Variants in ZNF423 observed in about 807,000 individuals in gnomAD.
ZNF423 encodes the protein zinc finger protein 423, also known as Ebf-associated zinc finger protein.
A neutral mutation model predicts 95.8 loss-of-function variants in ZNF423; 12 were observed. The observed-to-expected ratio is 0.13, with a 90% CI of 0.08 to 0.20. The LOEUF (loss-of-function observed/expected upper bound fraction) is 0.20, where lower values mean the gene tolerates loss of function less well. ZNF423 is among the 10% of genes least tolerant of loss of function. The probability of loss-of-function intolerance (pLI) is 1.00; values close to 1 mark genes in which losing one functional copy is unlikely to be tolerated. For synonymous variants in ZNF423, 749 were observed against 711.9 expected (o/e 1.05, Z -0.83); for missense variants, 1,316 against 1,737.1 (o/e 0.76, Z 4.31).
chr16:49,846,292 T>C (rs2035244950), intron 1 of ZNF423, among the ~76,000 whole-genome samples: 3 of 112,354 alleles, frequency 2.7e-5, no homozygotes, highest in East Asian at 2.5e-4. Flanking sequence ...AGAGCAAGAC[T>C]CTGTCTCAAA....
At chr16:49,667,516 T>C (rs925243561) in intron 3 of ZNF423, among the ~76,000 whole-genome samples, 1 of 152,244 alleles carries the variant, frequency 6.6e-6, no homozygotes, top group Non-Finnish European at 1.5e-5. Context: ...CATTATCTTC[T>C]GAAGACCTGC....
Position 49,754,066 on chromosome 16 carries a change from G to A in ZNF423, c.101-23095C>T, listed in dbSNP as rs559172476. On this transcript the variant is annotated intron_variant, in intron 2 of 7. Coordinates refer to ENST00000563137, the MANE Select transcript of ZNF423 (RefSeq NM_001379286.1). ...AAAAAGCCAGGCATTAAAAGGTGGA[G>A]GAAGAATAGTTTGTTTATGCAAAGG... 1.1e-3 allele frequency among the ~76,000 whole-genome samples: 173 copies of A among 152,032 alleles called. 1 individual carries two copies. The highest frequency in any genetic ancestry group is 4.0e-3 in the African/African-American group (167 of 41,486).
At chr16:49,721,025 G>A (rs1292140653) in intron 3 of ZNF423, among the ~76,000 whole-genome samples, 5 of 152,230 alleles carry the variant, frequency 3.3e-5, no homozygotes, top group Non-Finnish European at 5.9e-5. Flanking sequence ...GAGTCGAAAA[G>A]GTGGAGCCTG....
chr16:49,633,447 A>C (rs1972570128), intron 4 of ZNF423, among the ~76,000 whole-genome samples: 1 of 152,216 alleles, frequency 6.6e-6, no homozygotes. Flanking sequence ...TTAAAAAACC[A>C]GAGAGGCCCC....
At chr16:49,726,846 T>G (rs866442393) in intron 3 of ZNF423, among the ~76,000 whole-genome samples, 2 of 96,014 alleles carry the variant, frequency 2.1e-5, no homozygotes, top group Non-Finnish European at 3.9e-5. Flanking sequence ...AAAGACAGAG[T>G]TCCCCCTAGC....
rs534115445 is a variant in ZNF423 at position 49,487,607 on chromosome 16, A to G, written c.*3668T>C. ...AATTAACAATGGAGTCAGACACCCC[A>G]GGCTGGAAGGTGAGGCACCCAAGTT... On this transcript the variant is annotated 3_prime_UTR_variant, in exon 8 of 8. Transcript: ENST00000563137. 8 of 152,344 alleles carry G rather than the reference A, an allele frequency of 5.3e-5. No individual in the cohort carries two copies. In the East Asian group the frequency reaches 1.5e-3, roughly 29 times the overall value. 9.4% of individuals were successfully genotyped at this position (152,344 alleles called of 1,614,324 possible).
At chr16:49,714,195 T>A (rs78948635) in intron 3 of ZNF423, among the ~76,000 whole-genome samples, 1,854 of 152,240 alleles carry the variant, frequency 0.012, 36 homozygotes, top group African/African-American at 0.041. Context: ...CGGGAGCCAA[T>A]TGTATTTATT....
intron 5 of ZNF423, among the ~76,000 whole-genome samples, chr16:49,578,330 T>C (rs1053700995): frequency 3.3e-5 from 5 of 152,178 alleles, no homozygotes; most frequent in African/African-American, 1.2e-4. Context: ...GAAGGACTGC[T>C]TCCATTTGCT....
At chr16:49,719,868 C>G (rs2032815236) in intron 3 of ZNF423, among the ~76,000 whole-genome samples, 1 of 152,220 alleles carries the variant, frequency 6.6e-6, no homozygotes, top group Admixed American at 6.5e-5. Context: ...TACTGGGTTT[C>G]TCAGGAACGC....
At chr16:49,662,339 A>G (rs1377184066) in intron 3 of ZNF423, among the ~76,000 whole-genome samples, 2 of 152,132 alleles carry the variant, frequency 1.3e-5, no homozygotes, top group African/African-American at 4.8e-5. Flanking sequence ...ATGAGCCCCA[A>G]AGGAGGGCCT....
At chr16:49,834,101 A>G (rs948564710) in intron 1 of ZNF423, among the ~76,000 whole-genome samples, 1 of 152,204 alleles carries the variant, frequency 6.6e-6, no homozygotes, top group Admixed American at 6.5e-5. Flanking sequence ...GTCCCTGAAG[A>G]GTTAACAGCC....
At chr16:49,610,836 C>G (rs933963069) in intron 5 of ZNF423, among the ~76,000 whole-genome samples, 1 of 151,730 alleles carries the variant, frequency 6.6e-6, no homozygotes. Flanking sequence ...ATATATCTTG[C>G]AAACATTCAT....
intron 5 of ZNF423, among the ~76,000 whole-genome samples, chr16:49,598,238 G>A (rs1011278289): frequency 1.3e-5 from 2 of 152,238 alleles, no homozygotes; most frequent in Non-Finnish European, 2.9e-5. Context: ...CTTTCTAGCT[G>A]TGAGAGCTTA....
chr16:49,795,375 C>T (rs1042287917), intron 1 of ZNF423, among the ~76,000 whole-genome samples: 4 of 152,220 alleles, frequency 2.6e-5, no homozygotes, highest in Non-Finnish European at 4.4e-5. Context: ...ATCCAGCTCC[C>T]TCATGGCGCT....
At chr16:49,841,975 G>A (rs1268953743) in intron 1 of ZNF423, among the ~76,000 whole-genome samples, 52 of 152,126 alleles carry the variant, frequency 3.4e-4, no homozygotes, top group African/African-American at 2.4e-5. Context: ...TGTGGCTCAC[G>A]CCTGCAATCC....
In ZNF423 at chr16:49,635,740, G is replaced by C; in HGVS notation, c.3436C>G (p.His1146Asp). The C allele has an allele frequency of 6.2e-7, 1 of 1,612,398 alleles. No homozygotes were observed. Among genetic ancestry groups the C allele is most frequent in the Admixed American group, 1.7e-5 (1 of 59,752 alleles). The change falls in exon 4 of 8, where the codon CAC becomes GAC. Residue 1146 changes from histidine (H) to aspartate (D), a missense_variant. Transcript: ENST00000563137. The surrounding 1 kb of genome is among the most constrained non-coding windows in gnomAD (Gnocchi z 4.8). ...KFESAEDLES[H>D]MQVDHRDLTP... is the part of the protein sequence containing the mutation. ...AGGTCACGGTGGTCCACCTGCATGT[G>C]GCTCTCCAGGTCTTCGGCACTCTCA...
intron 3 of ZNF423, among the ~76,000 whole-genome samples, chr16:49,713,902 C>A (rs1239216743): frequency 1.3e-5 from 2 of 152,158 alleles, no homozygotes; most frequent in African/African-American, 4.8e-5. Context: ...CTGCCAGGGC[C>A]CCCATCCCTC....
chr16:49,812,427 C>T (rs899209784), intron 1 of ZNF423, among the ~76,000 whole-genome samples: 1 of 152,276 alleles, frequency 6.6e-6, no homozygotes, highest in East Asian at 1.9e-4. Flanking sequence ...GGCATGGTGG[C>T]TCACGCCTGT....
chr16:49,649,320 A>C (rs2540732), intron 3 of ZNF423, among the ~76,000 whole-genome samples: 36,220 of 151,974 alleles, frequency 0.24, 4,426 homozygotes, highest in Admixed American at 0.27. Context: ...CCATCTCTTG[A>C]TAGAGAGAAT....
Sources: allele counts gnomAD v4.1 joint callset (sites outside exome capture counted in the v4.1 genomes callset), GRCh38; gene constraint gnomAD v4.1.1; non-coding constraint Gnocchi (gnomAD v3.1); transcripts MANE v1.5; gene names NCBI Gene and HGNC (gene_info 2026-07-23, HGNC 2026-07-21).